The following ARHGEF10L variants were observed in gnomAD, a reference collection of about 807,000 sequenced individuals.
ARHGEF10L encodes the protein rho guanine nucleotide exchange factor 10-like protein.
A neutral mutation model predicts 141.2 loss-of-function variants in ARHGEF10L; 69 were observed. The observed-to-expected ratio is 0.49, with a 90% CI of 0.40 to 0.60. ARHGEF10L has a LOEUF of 0.60. ARHGEF10L is among the 20% of genes least tolerant of loss of function. The pLI is 0.00. For missense variants in ARHGEF10L, 1,482 were observed against 1,734.3 expected (o/e 0.85, Z 2.58); for synonymous variants, 711 against 718.5 (o/e 0.99, Z 0.17).
At chr1:17,529,869 G>A in the ARHGEF10L span, among the ~76,000 whole-genome samples, 1 of 105,828 alleles carries the variant, frequency 9.4e-6, no homozygotes, top group African/African-American at 3.8e-5. Context: ...TCTTGCTCTT[G>A]TTGCCTAGGC....
At chr1:17,526,373 A>C in the ARHGEF10L span, among the ~76,000 whole-genome samples, 1 of 152,174 alleles carries the variant, frequency 6.6e-6, no homozygotes, top group African/African-American at 2.4e-5. Flanking sequence ...AGGCCTCCTA[A>C]GTCCTTTCCA....
chr1:17,687,656 C>T lies in ARHGEF10L; in HGVS notation c.3093C>T (p.Ser1031=). The T allele has an allele frequency of 2.5e-6, 4 of 1,612,704 alleles. No homozygotes were observed. The highest frequency in any genetic ancestry group is 4.5e-5 in the East Asian group (2 of 44,844). The part of the protein sequence containing the change: ...KAGSGVWMAF[S]SGTSIRLFHT... ...GCAGCGGCGTCTGGATGGCCTTCTCCTCCGGCACCTCCATCCGCCTCTTCC... is the reference window on the plus strand; with the variant it reads ...GCAGCGGCGTCTGGATGGCCTTCTCTTCCGGCACCTCCATCCGCCTCTTCC... The change falls in exon 27 of 29, where the codon TCC becomes TCT. Residue 1031 remains serine, a synonymous_variant. Transcript: ENST00000361221.
chr1:17,559,739 C>T (rs975235662), intron 1 of ARHGEF10L, among the ~76,000 whole-genome samples: 2 of 152,172 alleles, frequency 1.3e-5, no homozygotes, highest in South Asian at 2.1e-4. Flanking sequence ...CGTCATGTGA[C>T]TGGGGCCCAG....
chr1:17,563,271 A>G (rs1445155541), intron 1 of ARHGEF10L, among the ~76,000 whole-genome samples: 2 of 146,446 alleles, frequency 1.4e-5, no homozygotes, highest in East Asian at 2.0e-4. Context: ...GTCTCGTTCC[A>G]TTGCCCAGGG....
At chr1:17,521,027 C>T in the ARHGEF10L span, among the ~76,000 whole-genome samples, 1 of 152,156 alleles carries the variant, frequency 6.6e-6, no homozygotes, top group African/African-American at 2.4e-5. Flanking sequence ...CCATCCGGGC[C>T]TCAGCAGGGA....
chr1:17,586,746 A>G (rs1236191593), intron 2 of ARHGEF10L, among the ~76,000 whole-genome samples: 1 of 152,112 alleles, frequency 6.6e-6, no homozygotes, highest in Non-Finnish European at 1.5e-5. Flanking sequence ...AGGGGCAGAG[A>G]AGGAGAGGCC....
chr1:17,611,131 C>T (rs903852759), intron 7 of ARHGEF10L, among the ~76,000 whole-genome samples: 2 of 152,192 alleles, frequency 1.3e-5, no homozygotes, highest in African/African-American at 4.8e-5. Flanking sequence ...ATCTGGCCAA[C>T]TCAGCAAGTG....
chr1:17,675,990 G>T (rs1195774486), intron 26 of ARHGEF10L, among the ~76,000 whole-genome samples: 1 of 147,788 alleles, frequency 6.8e-6, no homozygotes, highest in Non-Finnish European at 1.5e-5. Context: ...GTGCAGGTGT[G>T]TGCAGGTGTG....
chr1:17,683,632 C>T (rs1183725100), intron 26 of ARHGEF10L, among the ~76,000 whole-genome samples: 1 of 152,120 alleles, frequency 6.6e-6, no homozygotes, highest in Non-Finnish European at 1.5e-5. Context: ...GGGGCTGGGG[C>T]TAGGGCTGGG....
chr1:17,549,802 C>A (rs1307340172), intron 1 of ARHGEF10L, among the ~76,000 whole-genome samples: 1 of 152,150 alleles, frequency 6.6e-6, no homozygotes, highest in Non-Finnish European at 1.5e-5. Flanking sequence ...TTAAGAAATT[C>A]ACCTTTTTCC....
At chr1:17,582,808 G>C (rs2078689686) in intron 2 of ARHGEF10L, among the ~76,000 whole-genome samples, 1 of 151,984 alleles carries the variant, frequency 6.6e-6, no homozygotes, top group Non-Finnish European at 1.5e-5. Context: ...CCGGAGGGGA[G>C]CTCACAGTCA....
Position 17,656,114 on chromosome 1 carries a change from G to C in ARHGEF10L, c.2705+12G>C. The C allele has an allele frequency of 6.5e-7, 1 of 1,549,460 alleles. No homozygotes were observed. Among genetic ancestry groups the C allele is most frequent in the Middle Eastern group, 2.2e-4 (1 of 4,564 alleles). The stretch of plus-strand genomic sequence containing the variant: ...CTCCAGGATGGCAGGTGAGGGGCCC[G>C]GAAGGAGGGGTGAGAGCAGCCTCTG... On this transcript the variant is annotated intron_variant, in intron 24 of 28. Coordinates refer to ENST00000361221, the MANE Select transcript of ARHGEF10L (RefSeq NM_018125.4). This position sits in a 1 kb window ranked among gnomAD's most constrained non-coding sequence, Gnocchi z 4.9.
intron 6 of ARHGEF10L, among the ~76,000 whole-genome samples, chr1:17,606,012 C>G (rs1457027063): frequency 6.6e-6 from 1 of 152,162 alleles, no homozygotes; most frequent in Admixed American, 6.5e-5. Context: ...ACACTCTTGC[C>G]CCCAACCTCT....
In ARHGEF10L at chr1:17,697,528, TA is replaced by T; in HGVS notation, c.*155del. The T allele has an allele frequency of 4.3e-6, 5 of 1,168,166 alleles. No homozygotes were observed. The highest frequency in any genetic ancestry group is 5.9e-6 in the Non-Finnish European group (5 of 842,080). The allele number at this position is 1,168,166 out of a possible 1,614,324, so 72.4% of individuals were successfully genotyped here. On this transcript the variant is annotated 3_prime_UTR_variant, in exon 29 of 29. Transcript: ENST00000361221. The surrounding 1 kb of genome is among the most constrained non-coding windows in gnomAD (Gnocchi z 4.8). ...CAGAGCAAAGGAAAACCTCTTGTTT[TA>T]AAAAAATTTTTTTCAGAGTGTTTTG...
At position 17,696,990 on chromosome 1, in the gene ARHGEF10L, G is replaced by A. The variant is rs2065551838; in HGVS notation, c.3450G>A (p.Gly1150=). 6 of 1,610,250 alleles carry A rather than the reference G, an allele frequency of 3.7e-6. No individual in the cohort carries two copies. The highest frequency in any genetic ancestry group is 5.1e-6 in the Non-Finnish European group (6 of 1,178,296). Residue 1150 remains glycine, a synonymous_variant, in exon 29 of 29, where the codon GGG becomes GGA. Coordinates refer to ENST00000361221, the MANE Select transcript of ARHGEF10L (RefSeq NM_018125.4). ...GGGCTGAGGAGGACAAGCCAGACGG[G>A]CAGGCACACGAGCCCATGCCCGATA... The part of the protein sequence containing the change: ...GPRAEEDKPD[G]QAHEPMPDSH...
In ARHGEF10L at chr1:17,626,008, A is replaced by G. The variant is rs376887730; in HGVS notation, c.1370A>G (p.Lys457Arg). 1.1e-5 allele frequency: 17 copies of G among 1,613,844 alleles called. No homozygotes were observed. The highest frequency in any genetic ancestry group is 1.4e-5 in the Non-Finnish European group (16 of 1,179,904). Residue 457 changes from lysine to arginine, a missense_variant, in exon 14 of 29, where the codon AAG becomes AGG. Coordinates refer to ENST00000361221, the MANE Select transcript of ARHGEF10L (RefSeq NM_018125.4). Reference protein sequence around the residue: ...DRVTLYGLMVKPIQRFPQFIL... With the variant: ...DRVTLYGLMVRPIQRFPQFIL... ...GTCACCCTCTACGGGCTGATGGTCA[A>G]GCCCATCCAGAGGTTCCCACAGTTC... is the stretch of plus-strand genomic sequence containing the variant.
chr1:17,610,148 G>A (rs987528448), intron 7 of ARHGEF10L, among the ~76,000 whole-genome samples: 2 of 152,110 alleles, frequency 1.3e-5, no homozygotes, highest in Non-Finnish European at 2.9e-5. Flanking sequence ...ATGCTTCCAC[G>A]GGCATCAGAA....
At chr1:17,528,999 C>T in the ARHGEF10L span, among the ~76,000 whole-genome samples, 1 of 151,816 alleles carries the variant, frequency 6.6e-6, no homozygotes, top group Non-Finnish European at 1.5e-5. Flanking sequence ...TGATTAAGAT[C>T]ATTTTGTTTT....
chr1:17,664,364 G>A, intron 25 of ARHGEF10L, 83 bp from the exon 26 acceptor site: 3 of 1,474,954 alleles, frequency 2.0e-6, no homozygotes, highest in Non-Finnish European at 2.7e-6. Context: ...GGGCCCTGCT[G>A]AGCCCCCTGC....
Sources: gnomAD v4.1 joint callset for allele counts (sites outside exome capture counted in the v4.1 genomes callset) on GRCh38, gnomAD v4.1.1 for gene constraint, Gnocchi (gnomAD v3.1) non-coding constraint, MANE v1.5 for transcripts, NCBI Gene and HGNC (gene_info 2026-07-23, HGNC 2026-07-21) for gene names.